Variants in PDLIM5 observed in about 807,000 individuals in gnomAD.
PDLIM5 encodes the protein PDZ and LIM domain protein 5.
A neutral mutation model predicts 64.2 loss-of-function variants in PDLIM5; 34 were observed. The observed-to-expected ratio is 0.53, with a 90% CI of 0.40 to 0.71. The LOEUF (loss-of-function observed/expected upper bound fraction) is 0.71. PDLIM5 is among the 30% of genes least tolerant of loss of function. The pLI is 0.00. For missense variants in PDLIM5, 683 were observed against 733.6 expected, an observed-to-expected ratio of 0.93 and a Z score of 0.80; for synonymous variants, 253 against 269.1, an observed-to-expected ratio of 0.94 and a Z score of 0.59.
At chr4:94,652,173 A>G (rs959215844) in intron 9 of PDLIM5, among the ~76,000 whole-genome samples, 9 of 152,356 alleles carry the variant, frequency 5.9e-5, no homozygotes, top group Admixed American at 4.6e-4. Flanking sequence ...CTTATGCTTT[A>G]ACAGAATGCA....
In PDLIM5 at chr4:94,573,628, T is replaced by C. The variant is rs1377487384; in HGVS notation, c.291+235T>C. Reference sequence around the variant, plus strand: ...CAAAGCCATATGTTACAATAACTTATGTCAGATTTCTTACATTTCTATTCA... The same window carrying C: ...CAAAGCCATATGTTACAATAACTTACGTCAGATTTCTTACATTTCTATTCA... On this transcript the variant is annotated intron_variant, in intron 4 of 12. Transcript: ENST00000317968. 3 of 505,374 alleles carry C rather than the reference T, an allele frequency of 5.9e-6. No individual in the cohort carries two copies. The East Asian group carries it at 9.6e-5, about 16-fold the overall frequency. The allele number at this position is 505,374 out of a possible 1,614,324, so 31.3% of individuals were successfully genotyped here. A position where few individuals can be genotyped will look rare whatever the true frequency, so the allele number is the denominator to read the frequency against.
intron 7 of PDLIM5, chr4:94,588,139 G>A (rs938783536): frequency 2.1e-6 from 2 of 953,894 alleles, no homozygotes; most frequent in South Asian, 4.9e-5. Context: ...CTTTGTACTT[G>A]TTCTGTTTCC....
chr4:94,618,110 C>G lies in PDLIM5; in HGVS notation c.1027C>G (p.Leu343Val). ...CTCTGGCAGACCAGGGGTTACCAGCCTCACAGCTGCAGCTGCCTTCAAGCC... is the reference window on the plus strand; with the variant it reads ...CTCTGGCAGACCAGGGGTTACCAGCGTCACAGCTGCAGCTGCCTTCAAGCC... Reference protein sequence around the residue: ...PTSGRPGVTSLTAAAAFKPVG... With the variant: ...PTSGRPGVTSVTAAAAFKPVG... Residue 343 changes from leucine to valine, a missense_variant, in exon 8 of 13, where the codon CTC (leucine) becomes GTC (valine). Transcript: ENST00000317968. The G allele has an allele frequency of 1.2e-6, 2 of 1,612,460 alleles. No homozygotes were observed.
At chr4:94,574,719 G>A (rs1165933266) in intron 4 of PDLIM5, among the ~76,000 whole-genome samples, 1 of 151,986 alleles carries the variant, frequency 6.6e-6, no homozygotes, top group Non-Finnish European at 1.5e-5. Context: ...GTCTGATTTT[G>A]TTTAACTTTA....
chr4:94,581,318 C>T (rs1036061154), intron 5 of PDLIM5, among the ~76,000 whole-genome samples: 8 of 152,064 alleles, frequency 5.3e-5, no homozygotes, highest in African/African-American at 9.7e-5. Context: ...CACTTGCTGC[C>T]GCTCCACCAC....
In PDLIM5 at chr4:94,657,481, G is replaced by T. The variant is rs761043798; in HGVS notation, c.1519G>T (p.Ala507Ser). ...GCATGTTTCCTGTTTTGTGTGTGTA[G>T]CCTGTGGAAAGCCCATTCGGAACAA... ...TWHVSCFVCV[A>S]CGKPIRNNVF... The change falls in exon 11 of 13, where the codon GCC becomes TCC. Residue 507 changes from alanine (A) to serine (S), a missense_variant. Transcript: ENST00000317968. The T allele has an allele frequency of 3.1e-6, 5 of 1,606,642 alleles. No individual in the cohort carries two copies. Among genetic ancestry groups the T allele is most frequent in the Admixed American group, 3.3e-5 (2 of 59,986 alleles).
At chr4:94,564,298 C>A (rs886752113) in intron 3 of PDLIM5, among the ~76,000 whole-genome samples, 4 of 152,136 alleles carry the variant, frequency 2.6e-5, no homozygotes, top group African/African-American at 4.8e-5. Flanking sequence ...GAATAAAAGA[C>A]CAATTCCTTG....
Position 94,640,275 on chromosome 4 carries a change from G to T in PDLIM5, c.1109-1G>T. On this transcript the variant is annotated splice_acceptor_variant, in intron 8 of 12. Transcript: ENST00000317968. LOFTEE classifies it high-confidence loss of function. ...TCTGATTCTTCTGTTTTAACTCCTA[G>T]TACCTTCCACTGGAAGAATCTCAAA... 6.3e-7 allele frequency: 1 copy of T among 1,580,924 alleles called. No individual in the cohort carries two copies. The highest frequency in any genetic ancestry group is 8.7e-7 in the Non-Finnish European group (1 of 1,152,642).
intron 8 of PDLIM5, among the ~76,000 whole-genome samples, chr4:94,621,850 T>G (rs908719658): frequency 4.6e-5 from 7 of 152,196 alleles, no homozygotes; most frequent in African/African-American, 1.7e-4. Flanking sequence ...TGAGCAAAAC[T>G]ACAATATAAA....
intron 7 of PDLIM5, among the ~76,000 whole-genome samples, chr4:94,611,475 A>G (rs1177316528): frequency 6.6e-6 from 1 of 152,206 alleles, no homozygotes; most frequent in African/African-American, 2.4e-5. Flanking sequence ...AAGTATTTAA[A>G]TTGCAGTAGA....
chr4:94,664,427 TGAGTAA>T lies in PDLIM5; in HGVS notation c.*361_*366del, dbSNP rs571332012. 888 of 793,422 alleles carry T rather than the reference TGAGTAA, an allele frequency of 1.1e-3. 6 individuals carry two copies. In the African/African-American group the frequency reaches 0.016, roughly 14 times the overall value. The allele number at this position is 793,422 out of a possible 1,614,324, so 49.1% of individuals were successfully genotyped here. A position where few individuals can be genotyped will look rare whatever the true frequency, so the allele number is the denominator to read the frequency against. On this transcript the variant is annotated 3_prime_UTR_variant, in exon 13 of 13. Coordinates refer to ENST00000317968, the MANE Select transcript of PDLIM5 (RefSeq NM_006457.5). ...ACCTTCTTTCCTTGTTAGGTAGTTA[TGAGTAA>T]ATCTGCAAAAGGCAATGAAAATGCC...
intron 2 of PDLIM5, among the ~76,000 whole-genome samples, chr4:94,508,161 G>GT (rs1728557571): frequency 1.3e-5 from 2 of 152,124 alleles, no homozygotes; most frequent in African/African-American, 2.4e-5. Context: ...ATTTCTAGCT[G>GT]TTTTTTGTGA....
At chr4:94,570,250 G>A (rs1160770199) in intron 3 of PDLIM5, among the ~76,000 whole-genome samples, 2 of 152,100 alleles carry the variant, frequency 1.3e-5, no homozygotes, top group Non-Finnish European at 2.9e-5. Flanking sequence ...ACTCACATGG[G>A]CTAAAGCAAT....
At chr4:94,631,143 G>A (rs944503711) in intron 8 of PDLIM5, among the ~76,000 whole-genome samples, 2 of 150,866 alleles carry the variant, frequency 1.3e-5, no homozygotes, top group Non-Finnish European at 2.9e-5. Context: ...CCTCAAGTGA[G>A]CCTCCTACCT....
intron 8 of PDLIM5, among the ~76,000 whole-genome samples, chr4:94,630,976 C>T (rs1476203396): frequency 6.6e-6 from 1 of 151,938 alleles, no homozygotes. Flanking sequence ...GATGTCATCA[C>T]AGCCCACTGC....
chr4:94,602,073 G>A (rs1020690938), intron 7 of PDLIM5, among the ~76,000 whole-genome samples: 2 of 152,142 alleles, frequency 1.3e-5, no homozygotes, highest in African/African-American at 4.8e-5. Flanking sequence ...TTACATAAAA[G>A]TTTGCTTTGT....
Position 94,640,352 on chromosome 4 carries a change from A to G in PDLIM5, c.1185A>G (p.Gln395=). ...CACCAGCCAACTCAGCTTTGGGACA[A>G]ACCCAGCCAAGTGACCAGGACACTT... The part of the protein sequence containing the change: ...SVAPANSALG[Q]TQPSDQDTLV... Residue 395 remains glutamine, a synonymous_variant, in exon 9 of 13, where the codon CAA becomes CAG. Transcript: ENST00000317968. 6.2e-7 allele frequency: 1 copy of G among 1,613,430 alleles called. No homozygotes were observed.
At chr4:94,506,376 T>C (rs1728400208) in intron 2 of PDLIM5, among the ~76,000 whole-genome samples, 3 of 152,164 alleles carry the variant, frequency 2.0e-5, no homozygotes, top group African/African-American at 4.8e-5. Flanking sequence ...ATAAACGACA[T>C]TATTTTATGG....
chr4:94,553,948 ATATT>A (rs1366500560), intron 3 of PDLIM5, among the ~76,000 whole-genome samples: 1 of 152,186 alleles, frequency 6.6e-6, no homozygotes, highest in Non-Finnish European at 1.5e-5. Context: ...CATTGTCAGT[ATATT>A]TATTTACACT....
Sources: allele counts gnomAD v4.1 joint callset (sites outside exome capture counted in the v4.1 genomes callset), GRCh38; gene constraint gnomAD v4.1.1; transcripts MANE v1.5; gene names NCBI Gene and HGNC (gene_info 2026-07-23, HGNC 2026-07-21).